Variants in ZFAND3 observed in about 807,000 individuals in gnomAD.
The protein encoded by ZFAND3 is zinc finger AN1-type containing 3, also known as AN1-type zinc finger protein 3.
ZFAND3 carries 10 observed loss-of-function variants against 29.6 expected under a neutral mutation model. That is an observed-to-expected ratio of 0.34 (90% CI 0.21 to 0.57). ZFAND3 has a LOEUF of 0.57. Ranked by LOEUF, ZFAND3 falls within the 20% of genes least tolerant of loss-of-function variation. The probability of loss-of-function intolerance (pLI) is 0.86; values close to 1 mark genes in which losing one functional copy is unlikely to be tolerated. For synonymous variants in ZFAND3, 128 were observed against 112.6 expected, an observed-to-expected ratio of 1.14 and a Z score of -0.87; for missense variants, 230 against 304.5, an observed-to-expected ratio of 0.76 and a Z score of 1.82.
intron 2 of ZFAND3, among the ~76,000 whole-genome samples, chr6:38,017,456 T>G (rs1052447623): frequency 6.6e-6 from 1 of 152,230 alleles, no homozygotes; most frequent in Non-Finnish European, 1.5e-5. Flanking sequence ...GGTATCTCAG[T>G]GTTTTTAAAA....
chr6:38,086,261 A>C (rs1369468947), intron 4 of ZFAND3, among the ~76,000 whole-genome samples: 1 of 151,758 alleles, frequency 6.6e-6, no homozygotes, highest in Non-Finnish European at 1.5e-5. Flanking sequence ...CTTTAGATTA[A>C]AAAAAAATAA....
intron 1 of ZFAND3, among the ~76,000 whole-genome samples, chr6:37,820,450 C>G (rs1763644458): frequency 6.6e-6 from 1 of 152,190 alleles, no homozygotes; most frequent in Admixed American, 6.5e-5. Context: ...ACTTCTTCAC[C>G]TCCCCTCCTC....
intron 1 of ZFAND3, among the ~76,000 whole-genome samples, chr6:37,916,687 G>A (rs537994559): frequency 9.2e-5 from 14 of 152,166 alleles, no homozygotes; most frequent in African/African-American, 3.4e-4. Context: ...GGTATGCCAT[G>A]TATAATTACA....
intron 2 of ZFAND3, among the ~76,000 whole-genome samples, chr6:37,974,721 A>G (rs536295135): frequency 1.5e-4 from 23 of 152,236 alleles, no homozygotes; most frequent in Non-Finnish European, 2.8e-4. Flanking sequence ...TGGTCTGGCT[A>G]CTTTCACTCA....
intron 2 of ZFAND3, among the ~76,000 whole-genome samples, chr6:37,970,955 G>A (rs182516174): frequency 1.3e-5 from 2 of 152,272 alleles, no homozygotes; most frequent in Non-Finnish European, 1.5e-5. Flanking sequence ...CACTAAGTAT[G>A]CATTGGTCTA....
intron 2 of ZFAND3, among the ~76,000 whole-genome samples, chr6:37,961,187 G>A (rs1248953265): frequency 6.6e-6 from 1 of 152,200 alleles, no homozygotes; most frequent in African/African-American, 2.4e-5. Context: ...CCCTTGAAAA[G>A]TGAGTCACTG....
In ZFAND3 at chr6:38,152,498, C is replaced by T; in HGVS notation, c.*109C>T. The T allele has an allele frequency of 7.3e-7, 1 of 1,376,490 alleles. No homozygotes were observed. The highest frequency in any genetic ancestry group is 9.4e-7 in the Non-Finnish European group (1 of 1,063,622). 85.3% of individuals were successfully genotyped at this position (1,376,490 alleles called of 1,614,324 possible). A position where few individuals can be genotyped will look rare whatever the true frequency, so the allele number is the denominator to read the frequency against. Reference sequence around the variant, plus strand: ...TACTGGGCACGCGTCAGACTGCAGCCAGTCCGTTTCCTTTCTTTAGCCAGC... The same window carrying T: ...TACTGGGCACGCGTCAGACTGCAGCTAGTCCGTTTCCTTTCTTTAGCCAGC... On this transcript the variant is annotated 3_prime_UTR_variant, in exon 6 of 6. Coordinates refer to ENST00000287218, the MANE Select transcript of ZFAND3 (RefSeq NM_021943.3).
chr6:37,843,301 C>T (rs905630970), intron 1 of ZFAND3, among the ~76,000 whole-genome samples: 18 of 151,668 alleles, frequency 1.2e-4, no homozygotes, highest in African/African-American at 3.4e-4. Flanking sequence ...CTGGCTAACA[C>T]GGTGAAACCC....
At chr6:38,059,370 C>G (rs1267769881) in intron 2 of ZFAND3, among the ~76,000 whole-genome samples, 1 of 152,102 alleles carries the variant, frequency 6.6e-6, no homozygotes, top group East Asian at 1.9e-4. Flanking sequence ...CTGTAGCTCA[C>G]TTGCTTTTCT....
chr6:37,840,382 C>T (rs1033965701), intron 1 of ZFAND3, among the ~76,000 whole-genome samples: 1 of 152,190 alleles, frequency 6.6e-6, no homozygotes, highest in Non-Finnish European at 1.5e-5. Flanking sequence ...TACAGACATG[C>T]GCCACCGCGC....
At chr6:37,867,089 A>G (rs1384475073) in intron 1 of ZFAND3, among the ~76,000 whole-genome samples, 1 of 152,232 alleles carries the variant, frequency 6.6e-6, no homozygotes, top group African/African-American at 2.4e-5. Context: ...TGATTGGCCT[A>G]TAGGCGGTTG....
intron 5 of ZFAND3, among the ~76,000 whole-genome samples, chr6:38,131,891 A>C (rs909218641): frequency 6.6e-6 from 1 of 152,190 alleles, no homozygotes; most frequent in African/African-American, 2.4e-5. Context: ...AGGCCCAACC[A>C]CAGCTGAGTG....
chr6:37,962,615 C>G (rs949068251), intron 2 of ZFAND3, among the ~76,000 whole-genome samples: 2 of 151,984 alleles, frequency 1.3e-5, no homozygotes, highest in African/African-American at 4.8e-5. Context: ...GCAATCAGCA[C>G]TCTGTAAAAA....
chr6:38,041,701 TCCTC>T (rs1763776519), intron 2 of ZFAND3, among the ~76,000 whole-genome samples: 1 of 446 alleles, frequency 2.2e-3, no homozygotes, highest in African/African-American at 3.4e-3. Context: ...CTCCTTCTCC[TCCTC>T]CTCCTCCTCC....
chr6:38,071,690 G>A (rs1446045040), intron 3 of ZFAND3, among the ~76,000 whole-genome samples: 1 of 152,030 alleles, frequency 6.6e-6, no homozygotes, highest in African/African-American at 2.4e-5. Context: ...AATATAGTTT[G>A]TCTTTATTTA....
chr6:38,148,783 A>G (rs539954732), intron 5 of ZFAND3, among the ~76,000 whole-genome samples: 1 of 152,266 alleles, frequency 6.6e-6, no homozygotes, highest in South Asian at 2.1e-4. Context: ...TCTGACACCA[A>G]AATGCATTTC....
At chr6:38,047,159 A>G (rs891820015) in intron 2 of ZFAND3, among the ~76,000 whole-genome samples, 2 of 152,038 alleles carry the variant, frequency 1.3e-5, no homozygotes, top group Non-Finnish European at 2.9e-5. Context: ...TCTACTAAAA[A>G]TACGAAAATT....
chr6:38,132,626 G>A (rs903589049), intron 5 of ZFAND3, among the ~76,000 whole-genome samples: 3 of 152,160 alleles, frequency 2.0e-5, no homozygotes, highest in African/African-American at 7.2e-5. Flanking sequence ...AAGTAATTAA[G>A]GTATCTTAGA....
At chr6:38,003,915 T>G in intron 2 of ZFAND3, 1 of 323,082 alleles carries the variant, frequency 3.1e-6, no homozygotes, top group South Asian at 2.2e-5. Context: ...TGCCATCACC[T>G]TCTGTCGTCC....
Sources: allele counts gnomAD v4.1 joint callset (sites outside exome capture counted in the v4.1 genomes callset), GRCh38; gene constraint gnomAD v4.1.1; transcripts MANE v1.5; gene names NCBI Gene and HGNC (gene_info 2026-07-23, HGNC 2026-07-21).